CACNA1A: variants seen among roughly 807,000 people sequenced by gnomAD.
CACNA1A encodes voltage-dependent P/Q-type calcium channel subunit alpha-1A.
CACNA1A carries 57 observed loss-of-function variants against 262.4 expected under a neutral mutation model. The ratio of observed to expected loss-of-function variants is 0.22; its 90% CI spans 0.18 to 0.27. CACNA1A has a LOEUF of 0.27. Ranked by LOEUF, CACNA1A falls within the 10% of genes least tolerant of loss-of-function variation. The probability of loss-of-function intolerance (pLI) is 1.00; values close to 1 mark genes in which losing one functional copy is unlikely to be tolerated. For synonymous variants in CACNA1A, 1,431 were observed against 1,419.3 expected (o/e 1.01, Z -0.18); for missense variants, 2,526 against 3,562.8 (o/e 0.71, Z 7.41).
chr19:13,505,475 C>T (rs968326567), intron 1 of CACNA1A, among the ~76,000 whole-genome samples: 1 of 152,152 alleles, frequency 6.6e-6, no homozygotes, highest in East Asian at 1.9e-4. Context: ...CCAGCTTCCC[C>T]TGCGTGGACT....
chr19:13,295,010 A>T (rs1160468277), intron 19 of CACNA1A, among the ~76,000 whole-genome samples: 2 of 152,150 alleles, frequency 1.3e-5, no homozygotes, highest in East Asian at 1.9e-4. Flanking sequence ...TGCTGTTGTT[A>T]GACTGAAACA....
intron 6 of CACNA1A, among the ~76,000 whole-genome samples, chr19:13,353,549 T>C (rs944282236): frequency 3.3e-5 from 5 of 152,206 alleles, no homozygotes; most frequent in Non-Finnish European, 5.9e-5. Flanking sequence ...GGTATTTAAC[T>C]GATCTCCTAT....
chr19:13,369,064 T>C (rs1466846322), intron 4 of CACNA1A, among the ~76,000 whole-genome samples: 1 of 145,774 alleles, frequency 6.9e-6, no homozygotes, highest in Non-Finnish European at 1.5e-5. Context: ...AAAAAAAATG[T>C]AATGTGGGTG....
intron 1 of CACNA1A, among the ~76,000 whole-genome samples, chr19:13,482,574 C>T (rs769760580): frequency 5.9e-5 from 9 of 152,090 alleles, no homozygotes; most frequent in South Asian, 2.1e-4. Context: ...GACAAAGTGA[C>T]GTGTCCACTA....
At chr19:13,489,247 T>C (rs193205583) in intron 1 of CACNA1A, among the ~76,000 whole-genome samples, 1 of 151,898 alleles carries the variant, frequency 6.6e-6, no homozygotes, top group African/African-American at 2.4e-5. Flanking sequence ...CCTGACCTCA[T>C]GATCTGCCCG....
chr19:13,235,852 T>G, intron 31 of CACNA1A, 122 bp from the exon 32 acceptor site: 2 of 627,260 alleles, frequency 3.2e-6, no homozygotes, highest in Non-Finnish European at 2.9e-6. Context: ...AGACCCCAAA[T>G]AAGGAGGGAG....
intron 5 of CACNA1A, among the ~76,000 whole-genome samples, chr19:13,361,446 G>T (rs940650330): frequency 6.6e-6 from 1 of 152,176 alleles, no homozygotes; most frequent in Non-Finnish European, 1.5e-5. Context: ...ACCTTATTCT[G>T]TGAGCGATGC....
In CACNA1A at chr19:13,229,936, A is replaced by G. The variant is rs183402044; in HGVS notation, c.5528+146T>C. 642 of 887,634 alleles carry G rather than the reference A, an allele frequency of 7.2e-4. 2 individuals carry two copies. Among genetic ancestry groups the G allele is most frequent in the African/African-American group, 5.3e-3 (313 of 59,444 alleles). The allele number at this position is 887,634 out of a possible 1,614,324, so 55.0% of individuals were successfully genotyped here. A position where few individuals can be genotyped will look rare whatever the true frequency, so the allele number is the denominator to read the frequency against. ...GGGGTATGCAAGGGTGATGATTCTT[A>G]TATCTTCTCTCCTGACTGAACCTGT... On this transcript the variant is annotated intron_variant, in intron 36 of 46. Transcript: ENST00000360228.
At chr19:13,501,878 C>G (rs1316371250) in intron 1 of CACNA1A, among the ~76,000 whole-genome samples, 1 of 152,072 alleles carries the variant, frequency 6.6e-6, no homozygotes, top group African/African-American at 2.4e-5. Flanking sequence ...GTTTTTGGAG[C>G]TTTTTGGATT....
chr19:13,452,747 C>T, intron 3 of CACNA1A, 129 bp downstream of exon 3: 1 of 764,474 alleles, frequency 1.3e-6, no homozygotes, highest in Non-Finnish European at 2.2e-6. Context: ...AGAAAGGAGG[C>T]AGGCGCATAA....
At chr19:13,267,649 A>C (rs1389202530) in intron 24 of CACNA1A, among the ~76,000 whole-genome samples, 1 of 152,100 alleles carries the variant, frequency 6.6e-6, no homozygotes, top group Non-Finnish European at 1.5e-5. Flanking sequence ...CCTCATCTGC[A>C]AAACAGGCCC....
In CACNA1A at chr19:13,352,961, T is replaced by C. The variant is rs184333749; in HGVS notation, c.978+6645A>G. The stretch of plus-strand genomic sequence containing the variant: ...CTAATTTTTGTATTTTTAGTAGAGA[T>C]GAGGTTTCGCCATGTTGGCCAGGCT... On this transcript the variant is annotated intron_variant, in intron 6 of 46. Coordinates refer to ENST00000360228, the MANE Select transcript of CACNA1A (RefSeq NM_001127222.2). Among the ~76,000 whole-genome samples, 1,055 of 152,126 alleles carry C rather than the reference T, an allele frequency of 6.9e-3. 12 individuals carry two copies. The highest frequency in any genetic ancestry group is 0.024 in the African/African-American group (982 of 41,500).
chr19:13,433,787 T>C (rs1338414289), intron 3 of CACNA1A, among the ~76,000 whole-genome samples: 2 of 152,170 alleles, frequency 1.3e-5, no homozygotes, highest in Non-Finnish European at 2.9e-5. Context: ...GGTTGCAGTG[T>C]GTCTAGCTAA....
chr19:13,365,321 C>T lies in CACNA1A; in HGVS notation c.780G>A (p.Gly260=). Residue 260 remains glycine (G), a synonymous_variant, in exon 5 of 47, where the codon GGG becomes GGA. Transcript: ENST00000360228. The stretch of plus-strand genomic sequence containing the variant: ...CATCATGCTCCGTGGACCTACCTGT[C>T]CCCTCTTCAAAGCAGGTGGTATGAA... ...GKFHTTCFEE[G]TDDIQGESPA... 2 of 1,612,298 alleles carry T rather than the reference C, an allele frequency of 1.2e-6. No individual in the cohort carries two copies. The highest frequency in any genetic ancestry group is 8.5e-7 in the Non-Finnish European group (1 of 1,178,734).
At chr19:13,219,419 C>T (rs2055139210) in intron 38 of CACNA1A, among the ~76,000 whole-genome samples, 1 of 152,160 alleles carries the variant, frequency 6.6e-6, no homozygotes, top group Admixed American at 6.6e-5. Flanking sequence ...TGAGTTCTTC[C>T]AGGGAATCAC....
chr19:13,357,790 G>A (rs1451294239), intron 6 of CACNA1A, among the ~76,000 whole-genome samples: 1 of 152,064 alleles, frequency 6.6e-6, no homozygotes, highest in Admixed American at 6.6e-5. Context: ...GATTGCTTGA[G>A]GCCAGGAGTC....
intron 44 of CACNA1A, among the ~76,000 whole-genome samples, chr19:13,210,189 A>C (rs2054752801): frequency 6.6e-6 from 1 of 152,020 alleles, no homozygotes; most frequent in African/African-American, 2.4e-5. Context: ...CAGGCAGAGG[A>C]GGGAAGGAGG....
At chr19:13,370,853 G>A (rs1250334785) in intron 4 of CACNA1A, 1 of 151,792 alleles carries the variant, frequency 6.6e-6, no homozygotes, top group African/African-American at 2.4e-5. Context: ...CCAAAGTGCT[G>A]GAATTACAGG....
At chr19:13,462,948 T>C (rs2061151151) in intron 1 of CACNA1A, among the ~76,000 whole-genome samples, 1 of 152,014 alleles carries the variant, frequency 6.6e-6, no homozygotes, top group African/African-American at 2.4e-5. Context: ...TTTGTAGAGA[T>C]GAGGGTCTCA....
Sources: gnomAD v4.1 joint callset for allele counts (sites outside exome capture counted in the v4.1 genomes callset) on GRCh38, gnomAD v4.1.1 for gene constraint, MANE v1.5 for transcripts, NCBI Gene and HGNC (gene_info 2026-07-23, HGNC 2026-07-21) for gene names.